The following CLASP2 variants were observed in gnomAD, a reference collection of about 807,000 sequenced individuals.
CLASP2 encodes the protein CLIP-associating protein 2.
In CLASP2, 47 loss-of-function variants were observed where a neutral mutation model predicts 194.4. The observed-to-expected ratio is 0.24, with a 90% CI of 0.19 to 0.31. The LOEUF is 0.31. CLASP2 is among the 10% of genes least tolerant of loss of function. The pLI, the probability that CLASP2 is intolerant of heterozygous loss-of-function variation, is 1.00. For synonymous variants in CLASP2, 619 were observed against 633.5 expected, an observed-to-expected ratio of 0.98 and a Z score of 0.34; for missense variants, 1,445 against 1,823.6, an observed-to-expected ratio of 0.79 and a Z score of 3.78.
intron 12 of CLASP2, among the ~76,000 whole-genome samples, chr3:33,618,646 C>A (rs1211100994): frequency 1.3e-5 from 2 of 151,072 alleles, no homozygotes; most frequent in African/African-American, 4.9e-5. Flanking sequence ...GACTCTATCT[C>A]AAAATAAACA....
intron 7 of CLASP2, among the ~76,000 whole-genome samples, chr3:33,659,859 T>G (rs2084994912): frequency 6.6e-6 from 1 of 152,234 alleles, no homozygotes; most frequent in Admixed American, 6.5e-5. Flanking sequence ...TGCTTTGCTT[T>G]TCACCAAAGG....
Position 33,604,173 on chromosome 3 carries a change from T to C in CLASP2, c.1731A>G (p.Pro577=), listed in dbSNP as rs2073114654. The C allele has an allele frequency of 1.3e-6, 2 of 1,560,436 alleles. No homozygotes were observed. The highest frequency in any genetic ancestry group is 2.7e-5 in the African/African-American group (2 of 73,434). The change falls in exon 17 of 39, where the codon CCA becomes CCG. Residue 577 remains proline, a synonymous_variant. Transcript: ENST00000682230. ...AATTACCTCTTCCAGCCACAGTTGA[T>C]GGATTTGCTGTAGACCATTTGGAAG... ...PFSSKWSTAN[P]STVAGRVSAG...
At position 33,665,365 on chromosome 3, in the gene CLASP2, T is replaced by C. The variant is rs550632336; in HGVS notation, c.645-1850A>G. On this transcript the variant is annotated intron_variant, in intron 6 of 38. Coordinates refer to ENST00000682230, the MANE Select transcript of CLASP2 (RefSeq NM_001365631.1). ...ATAGTAGGCAAATATAATACGAATATGGGAGAGAGGAGGGGAGGGGAAAAG... is the reference window on the plus strand; with the variant it reads ...ATAGTAGGCAAATATAATACGAATACGGGAGAGAGGAGGGGAGGGGAAAAG... 3.3e-5 allele frequency among the ~76,000 whole-genome samples: 5 copies of C among 151,618 alleles called. No individual in the cohort carries two copies. In the South Asian group the frequency reaches 8.3e-4, roughly 25 times the overall value.
chr3:33,588,855 AC>A, intron 21 of CLASP2: 1 of 614,430 alleles, frequency 1.6e-6, no homozygotes, highest in Non-Finnish European at 2.9e-6. Flanking sequence ...AAATTAAAAA[AC>A]CCTAAGGCAA....
At chr3:33,674,074 A>G in intron 6 of CLASP2, among the ~76,000 whole-genome samples, 1 of 152,206 alleles carries the variant, frequency 6.6e-6, no homozygotes, top group East Asian at 1.9e-4. Flanking sequence ...AATTGAATTC[A>G]GCTCTGCACC....
chr3:33,530,685 A>G (rs997639754), intron 34 of CLASP2, among the ~76,000 whole-genome samples: 2 of 152,166 alleles, frequency 1.3e-5, no homozygotes, highest in South Asian at 4.1e-4. Flanking sequence ...TTTTAGCTCC[A>G]TTTTAATCTT....
intron 8 of CLASP2, chr3:33,644,551 T>A: frequency 1.6e-6 from 1 of 617,226 alleles, no homozygotes; most frequent in Non-Finnish European, 2.9e-6. Flanking sequence ...AGAGACTAAT[T>A]CACATACATT....
chr3:33,580,565 A>G (rs2065835936), intron 23 of CLASP2, among the ~76,000 whole-genome samples: 1 of 151,542 alleles, frequency 6.6e-6, no homozygotes. Context: ...TCCACCTCAA[A>G]ACAACAACAA....
At chr3:33,613,204 T>C (rs2075513164) in intron 12 of CLASP2, among the ~76,000 whole-genome samples, 1 of 152,178 alleles carries the variant, frequency 6.6e-6, no homozygotes, top group Admixed American at 6.5e-5. Flanking sequence ...GGATGTGAGA[T>C]GAAGGAAGCA....
intron 8 of CLASP2, among the ~76,000 whole-genome samples, chr3:33,637,223 A>G (rs1263207217): frequency 1.3e-5 from 2 of 152,144 alleles, no homozygotes; most frequent in African/African-American, 4.8e-5. Context: ...TGATGAGGAA[A>G]CTGTTTTACA....
At chr3:33,704,654 G>A (rs571300667) in intron 1 of CLASP2, among the ~76,000 whole-genome samples, 59 of 152,236 alleles carry the variant, frequency 3.9e-4, no homozygotes, top group African/African-American at 1.3e-3. Context: ...TTGGGAGGCT[G>A]AGGCAGGAGA....
chr3:33,607,284 T>C, intron 15 of CLASP2, 100 bp downstream of exon 15: 1 of 738,072 alleles, frequency 1.4e-6, no homozygotes. Context: ...GGAGGGCTAG[T>C]CAAGTAAAAT....
chr3:33,510,311 C>T (rs1411466144), intron 37 of CLASP2, among the ~76,000 whole-genome samples: 2 of 152,122 alleles, frequency 1.3e-5, no homozygotes, highest in African/African-American at 2.4e-5. Flanking sequence ...GTGATGGTTG[C>T]ATAACACTGT....
At chr3:33,578,474 T>C (rs2065358494) in intron 23 of CLASP2, among the ~76,000 whole-genome samples, 1 of 152,170 alleles carries the variant, frequency 6.6e-6, no homozygotes, top group African/African-American at 2.4e-5. Flanking sequence ...TCCTCAGATA[T>C]ATTAGAGCAG....
chr3:33,614,636 A>G lies in CLASP2; in HGVS notation c.1318-2565T>C, dbSNP rs377452475. 8.6e-4 allele frequency among the ~76,000 whole-genome samples: 131 copies of G among 152,256 alleles called. 2 individuals are homozygous for G. The highest frequency in any genetic ancestry group is 3.1e-3 in the African/African-American group (129 of 41,558). On this transcript the variant is annotated intron_variant, in intron 12 of 38. Coordinates refer to ENST00000682230, the MANE Select transcript of CLASP2 (RefSeq NM_001365631.1). ...TGCTATAAAATAATCAAATAGTCTC[A>G]TTTTTAGAGGCAACAATAAAAAGTT...
chr3:33,578,693 T>C (rs180792530), intron 23 of CLASP2, among the ~76,000 whole-genome samples: 117 of 152,310 alleles, frequency 7.7e-4, no homozygotes, highest in African/African-American at 2.6e-3. Flanking sequence ...TCTAAAATGA[T>C]GAGGAGGAGT....
rs2093380585 is a variant in CLASP2 at position 33,718,170 on chromosome 3, C to A, written c.-168G>T. 3.7e-6 allele frequency: 2 copies of A among 537,888 alleles called. No homozygotes were observed. The highest frequency in any genetic ancestry group is 2.0e-5 in the African/African-American group (1 of 49,552). 33.3% of individuals were successfully genotyped at this position (537,888 alleles called of 1,614,324 possible). A position where few individuals can be genotyped will look rare whatever the true frequency, so the allele number is the denominator to read the frequency against. ...GCGGGAGGAACGCCAAGCGCCCAGC[C>A]GCCCCCAAACTAGTCAAACTCGGCG... On this transcript the variant is annotated 5_prime_UTR_variant, in exon 1 of 39. Coordinates refer to ENST00000682230, the MANE Select transcript of CLASP2 (RefSeq NM_001365631.1).
Position 33,496,596 on chromosome 3 carries a change from T to C in CLASP2, c.*2035A>G, listed in dbSNP as rs929995194. On this transcript the variant is annotated 3_prime_UTR_variant, in exon 39 of 39. Transcript: ENST00000682230. The stretch of plus-strand genomic sequence containing the variant: ...CATTTCTTGAGTGCCTGCCTGCCAT[T>C]AGATGCCAGGTGCTTATCTAATTTT... 4 of 152,206 alleles carry C rather than the reference T, an allele frequency of 2.6e-5. No individual in the cohort carries two copies. The highest frequency in any genetic ancestry group is 2.6e-4 in the Admixed American group (4 of 15,284). 9.4% of individuals were successfully genotyped at this position (152,206 alleles called of 1,614,324 possible). A position where few individuals can be genotyped will look rare whatever the true frequency, so the allele number is the denominator to read the frequency against.
chr3:33,540,299 C>A (rs1176267330), intron 32 of CLASP2, among the ~76,000 whole-genome samples: 2 of 146,402 alleles, frequency 1.4e-5, no homozygotes, highest in Admixed American at 1.4e-4. Context: ...TGCAGTGGTG[C>A]AAACATAGCT....
Sources: gnomAD v4.1 joint callset for allele counts (sites outside exome capture counted in the v4.1 genomes callset) on GRCh38, gnomAD v4.1.1 for gene constraint, MANE v1.5 for transcripts, NCBI Gene and HGNC (gene_info 2026-07-23, HGNC 2026-07-21) for gene names.